NRG3: variants seen among roughly 807,000 people sequenced by gnomAD.
NRG3 encodes the protein pro-neuregulin-3, membrane-bound isoform.
NRG3 carries 31 observed loss-of-function variants against 66.9 expected under a neutral mutation model. The observed-to-expected ratio is 0.46, with a 90% CI of 0.35 to 0.63. NRG3 has a LOEUF of 0.63. NRG3 is among the 20% of genes least tolerant of loss of function. NRG3 has a pLI of 0.00. For synonymous variants in NRG3, 393 were observed against 359.4 expected, an observed-to-expected ratio of 1.09 and a Z score of -1.06; for missense variants, 910 against 878.9, an observed-to-expected ratio of 1.04 and a Z score of -0.45.
Position 82,068,595 on chromosome 10 carries a change from G to A in NRG3, c.823+192432G>A, listed in dbSNP as rs116178174. ...GATGCTGTAAGAACACATAAATAGG[G>A]GTTTCAATGAAGGCTTGCTTAAGGT... On this transcript the variant is annotated intron_variant, in intron 1 of 8. Coordinates refer to ENST00000372141, the MANE Select transcript of NRG3 (RefSeq NM_001010848.4). Among the ~76,000 whole-genome samples the A allele has an allele frequency of 6.7e-3, 1,016 of 152,232 alleles. 12 individuals carry two copies. The highest frequency in any genetic ancestry group is 0.023 in the African/African-American group (972 of 41,534).
chr10:82,513,647 G>A lies in NRG3; in HGVS notation c.953+154779G>A, dbSNP rs1361100698. On this transcript the variant is annotated intron_variant, in intron 2 of 8. Transcript: ENST00000372141. ...ACACAAAAATTAGCTGGGTGTGGTG[G>A]CACACACCTGTAGTCCCAGCTAATT... is the stretch of plus-strand genomic sequence containing the variant. Among the ~76,000 whole-genome samples the A allele has an allele frequency of 2.0e-5, 3 of 152,074 alleles. 1 individual carries two copies. Among genetic ancestry groups the A allele is most frequent in the Admixed American group, 2.0e-4 (3 of 15,266 alleles).
At chr10:82,031,664 T>C (rs1024539599) in intron 1 of NRG3, among the ~76,000 whole-genome samples, 1 of 152,058 alleles carries the variant, frequency 6.6e-6, no homozygotes, top group Admixed American at 6.6e-5. Context: ...TTCTTAATAA[T>C]AACAGTGATA....
chr10:82,256,042 G>C (rs1192042620), intron 1 of NRG3, among the ~76,000 whole-genome samples: 1 of 152,064 alleles, frequency 6.6e-6, no homozygotes, highest in Non-Finnish European at 1.5e-5. Context: ...TTCTGCCTCA[G>C]CCTCCCAAGT....
chr10:82,338,143 G>A (rs775033340), intron 1 of NRG3, among the ~76,000 whole-genome samples: 2 of 152,128 alleles, frequency 1.3e-5, no homozygotes, highest in Non-Finnish European at 2.9e-5. Flanking sequence ...AACTTTTATG[G>A]AATAATGCAG....
chr10:82,883,359 C>T (rs760456281), intron 4 of NRG3, among the ~76,000 whole-genome samples: 16 of 152,090 alleles, frequency 1.1e-4, no homozygotes, highest in Non-Finnish European at 1.6e-4. Context: ...TCCCTTTTAG[C>T]TGATCAGTCT....
At chr10:81,882,886 T>G (rs1308796167) in intron 1 of NRG3, among the ~76,000 whole-genome samples, 1 of 152,172 alleles carries the variant, frequency 6.6e-6, no homozygotes. Flanking sequence ...AACCACAAAC[T>G]GGAGGTCATC....
At chr10:82,957,457 T>G (rs528019973) in intron 5 of NRG3, among the ~76,000 whole-genome samples, 1 of 151,976 alleles carries the variant, frequency 6.6e-6, no homozygotes, top group East Asian at 1.9e-4. Context: ...AAGGGCATGA[T>G]TCTACTGGGA....
intron 4 of NRG3, among the ~76,000 whole-genome samples, chr10:82,929,271 A>AACTGTCTT (rs1161957109): frequency 6.6e-6 from 1 of 152,138 alleles, no homozygotes; most frequent in Non-Finnish European, 1.5e-5. Flanking sequence ...CTGCTTTGAC[A>AACTGTCTT]ACTGTCTTAA....
chr10:82,162,946 T>A (rs2071718907), intron 1 of NRG3, among the ~76,000 whole-genome samples: 1 of 152,172 alleles, frequency 6.6e-6, no homozygotes, highest in Non-Finnish European at 1.5e-5. Flanking sequence ...GCTATTGCCC[T>A]GTTGGGAACT....
Position 82,704,104 on chromosome 10 carries a change from A to G in NRG3, c.954-34473A>G, listed in dbSNP as rs141395953. ...GAAAAAAAAAGACCTACAAAATTTCAACTTCTATCATTTGTTCCTTCCTTT... is the reference window on the plus strand; with the variant it reads ...GAAAAAAAAAGACCTACAAAATTTCGACTTCTATCATTTGTTCCTTCCTTT... On this transcript the variant is annotated intron_variant, in intron 2 of 8. Coordinates refer to ENST00000372141, the MANE Select transcript of NRG3 (RefSeq NM_001010848.4). Among the ~76,000 whole-genome samples the G allele has an allele frequency of 8.4e-3, 1,276 of 152,236 alleles. 16 individuals carry two copies. Among genetic ancestry groups the G allele is most frequent in the African/African-American group, 0.028 (1,166 of 41,564 alleles).
intron 1 of NRG3, among the ~76,000 whole-genome samples, chr10:82,032,237 A>G (rs2062603847): frequency 6.6e-6 from 1 of 152,130 alleles, no homozygotes; most frequent in Non-Finnish European, 1.5e-5. Flanking sequence ...TTATAAGACA[A>G]TGAGAAGTTA....
chr10:82,984,840 A>G, intron 8 of NRG3: 3 of 1,524,778 alleles, frequency 2.0e-6, no homozygotes, highest in Non-Finnish European at 2.7e-6. Flanking sequence ...GTGTTGAAAG[A>G]CCCCTGGACT....
chr10:82,504,712 G>A (rs1472277089), intron 2 of NRG3, among the ~76,000 whole-genome samples: 4 of 152,154 alleles, frequency 2.6e-5, no homozygotes, highest in East Asian at 1.9e-4. Context: ...GCGCCATCAC[G>A]TTTGGGATAA....
At chr10:82,139,749 G>T (rs1294747308) in intron 1 of NRG3, among the ~76,000 whole-genome samples, 1 of 152,092 alleles carries the variant, frequency 6.6e-6, no homozygotes, top group Non-Finnish European at 1.5e-5. Context: ...ATCTCCATCA[G>T]GTAATGGGAA....
intron 1 of NRG3, among the ~76,000 whole-genome samples, chr10:82,205,224 A>G (rs1285599558): frequency 6.6e-6 from 1 of 152,204 alleles, no homozygotes; most frequent in Non-Finnish European, 1.5e-5. Context: ...TTCCCACTAC[A>G]GATGCCATCT....
chr10:82,315,831 A>G (rs1263789572), intron 1 of NRG3, among the ~76,000 whole-genome samples: 1 of 151,908 alleles, frequency 6.6e-6, no homozygotes, highest in East Asian at 1.9e-4. Flanking sequence ...ACACCCGGCT[A>G]GTTTTTATAT....
intron 1 of NRG3, among the ~76,000 whole-genome samples, chr10:81,934,440 C>T (rs531009069): frequency 3.9e-5 from 6 of 152,258 alleles, no homozygotes; most frequent in African/African-American, 7.2e-5. Flanking sequence ...ACACTCCCTC[C>T]GTGGTAATTG....
chr10:82,263,778 A>G lies in NRG3; in HGVS notation c.824-94961A>G, dbSNP rs909538051. On this transcript the variant is annotated intron_variant, in intron 1 of 8. Transcript: ENST00000372141. The stretch of plus-strand genomic sequence containing the variant: ...TATTTCAATAAGAAACTCCAAGAGC[A>G]CTAGTATTCACAAGCCAAATACAGA... 3.9e-5 allele frequency among the ~76,000 whole-genome samples: 6 copies of G among 152,208 alleles called. No homozygotes were observed. The East Asian group carries it at 9.6e-4, about 24-fold the overall frequency.
intron 1 of NRG3, among the ~76,000 whole-genome samples, chr10:81,989,145 T>C (rs2060639495): frequency 6.6e-6 from 1 of 152,156 alleles, no homozygotes; most frequent in Admixed American, 6.5e-5. Flanking sequence ...TATTTCTGGC[T>C]ATAGGAATAG....
Sources: gnomAD v4.1 joint callset for allele counts (sites outside exome capture counted in the v4.1 genomes callset) on GRCh38, gnomAD v4.1.1 for gene constraint, MANE v1.5 for transcripts, NCBI Gene and HGNC (gene_info 2026-07-23, HGNC 2026-07-21) for gene names.